SPIDR: variants seen among roughly 807,000 people sequenced by gnomAD.
The protein encoded by SPIDR is DNA repair-scaffolding protein.
A neutral mutation model predicts 104.6 loss-of-function variants in SPIDR; 93 were observed. The ratio of observed to expected loss-of-function variants is 0.89; its 90% CI spans 0.75 to 1.06. The LOEUF (loss-of-function observed/expected upper bound fraction) is 1.06, where lower values mean the gene tolerates loss of function less well. Among genes scored for constraint, SPIDR ranks in the 50% least tolerant of loss-of-function variants. The pLI is 0.00. For missense variants in SPIDR, 1,154 were observed against 1,111.2 expected, an observed-to-expected ratio of 1.04 and a Z score of -0.55; for synonymous variants, 431 against 416.9, an observed-to-expected ratio of 1.03 and a Z score of -0.41.
At chr8:47,282,640 C>T (rs2038012795) in intron 2 of SPIDR, among the ~76,000 whole-genome samples, 1 of 152,216 alleles carries the variant, frequency 6.6e-6, no homozygotes, top group Non-Finnish European at 1.5e-5. Context: ...ATTCAATTTT[C>T]TATCCAGATT....
chr8:47,552,416 AT>A lies in SPIDR; in HGVS notation c.1098-43394del. Among the ~76,000 whole-genome samples the A allele has an allele frequency of 2.0e-5, 3 of 152,294 alleles. No individual in the cohort carries two copies. The East Asian group carries it at 5.8e-4, about 29-fold the overall frequency. On this transcript the variant is annotated intron_variant, in intron 8 of 19. Transcript: ENST00000297423. ...ATTGTGTGGGAGTCTAAGTCTCTTT[AT>A]AGGTCTCTAAGTACTTCCTTTATGA...
intron 2 of SPIDR, among the ~76,000 whole-genome samples, chr8:47,280,539 C>T (rs370853249): frequency 1.2e-3 from 185 of 152,092 alleles, no homozygotes; most frequent in African/African-American, 4.3e-3. Context: ...ATTACAGGTG[C>T]GTGCCACCAC....
chr8:47,492,141 G>A (rs1251865573), intron 8 of SPIDR, among the ~76,000 whole-genome samples: 2 of 152,056 alleles, frequency 1.3e-5, no homozygotes, highest in Non-Finnish European at 2.9e-5. Flanking sequence ...GAAAAAGCTG[G>A]GTGGACATGA....
chr8:47,437,659 C>T (rs1253408753), intron 7 of SPIDR, among the ~76,000 whole-genome samples: 1 of 151,958 alleles, frequency 6.6e-6, no homozygotes, highest in African/African-American at 2.4e-5. Context: ...CACTGGCCAT[C>T]AGAGAAATGC....
intron 8 of SPIDR, among the ~76,000 whole-genome samples, chr8:47,553,093 ACT>A (rs1421151745): frequency 6.6e-6 from 1 of 151,910 alleles, no homozygotes; most frequent in Non-Finnish European, 1.5e-5. Context: ...ATCGGCCCCC[ACT>A]CTCTTCTGGC....
At chr8:47,727,745 C>T (rs917252972) in intron 17 of SPIDR, among the ~76,000 whole-genome samples, 1 of 152,174 alleles carries the variant, frequency 6.6e-6, no homozygotes, top group Non-Finnish European at 1.5e-5. Flanking sequence ...GCAGTCTGTC[C>T]CTATGAAGTC....
intron 8 of SPIDR, among the ~76,000 whole-genome samples, chr8:47,541,219 A>G (rs2088062008): frequency 6.6e-6 from 1 of 152,160 alleles, no homozygotes; most frequent in Non-Finnish European, 1.5e-5. Context: ...TATTTACATG[A>G]ATTATCTTAT....
chr8:47,407,002 A>G (rs941610371), intron 6 of SPIDR, among the ~76,000 whole-genome samples: 1 of 152,248 alleles, frequency 6.6e-6, no homozygotes, highest in Non-Finnish European at 1.5e-5. Context: ...GCATGTAGCT[A>G]TAGTGGTAAT....
intron 8 of SPIDR, among the ~76,000 whole-genome samples, chr8:47,574,043 A>G (rs952205986): frequency 3.3e-5 from 5 of 152,210 alleles, no homozygotes; most frequent in Non-Finnish European, 7.3e-5. Context: ...TATCTATTTT[A>G]GCTGAGGTTT....
chr8:47,337,758 T>C (rs1309615873), intron 5 of SPIDR, among the ~76,000 whole-genome samples: 1 of 152,110 alleles, frequency 6.6e-6, no homozygotes, highest in African/African-American at 2.4e-5. Context: ...ACTTTTTTGG[T>C]AGTGTGTTAG....
At chr8:47,446,867 GAA>G (rs1554702209) in intron 8 of SPIDR, among the ~76,000 whole-genome samples, 9 of 152,176 alleles carry the variant, frequency 5.9e-5, no homozygotes, top group Non-Finnish European at 1.3e-4. Flanking sequence ...TTACAGGTGT[GAA>G]CTACCATGTC....
In SPIDR at chr8:47,701,842, G is replaced by A. The variant is rs964287646; in HGVS notation, c.1895G>A (p.Arg632His). 5 of 1,614,044 alleles carry A rather than the reference G, an allele frequency of 3.1e-6. No homozygotes were observed. The highest frequency in any genetic ancestry group is 2.2e-5 in the South Asian group (2 of 91,076). Residue 632 changes from arginine to histidine, a missense_variant, in exon 13 of 20, where the codon CGC (arginine) becomes CAC (histidine). Coordinates refer to ENST00000297423, the MANE Select transcript of SPIDR (RefSeq NM_001080394.4). ...IYKLYQPPVT[R>H]CLRDILQMND... ...AAGCTTTACCAGCCTCCAGTTACCC[G>A]CTGCTTAAGAGACATTCTCCAGGTA...
intron 10 of SPIDR, among the ~76,000 whole-genome samples, chr8:47,621,940 AG>A (rs1232009687): frequency 1.2e-4 from 18 of 152,278 alleles, no homozygotes; most frequent in African/African-American, 4.3e-4. Context: ...ACTCCAGCCT[AG>A]GCGACAGAGT....
Position 47,396,478 on chromosome 8 carries a change from G to A in SPIDR, c.628G>A (p.Val210Met), listed in dbSNP as rs369135241. ...IDSESPHKYH[V>M]QFASDARQIM... ...TTCAGAATCCCCTCACAAATACCACGTGCAGTTTGCATCGGATGCAAGACA... is the reference window on the plus strand; with the variant it reads ...TTCAGAATCCCCTCACAAATACCACATGCAGTTTGCATCGGATGCAAGACA... Residue 210 changes from valine (V) to methionine (M), a missense_variant, in exon 6 of 20, where the codon GTG (valine) becomes ATG (methionine). Coordinates refer to ENST00000297423, the MANE Select transcript of SPIDR (RefSeq NM_001080394.4). 29 of 1,613,828 alleles carry A rather than the reference G, an allele frequency of 1.8e-5. No homozygotes were observed. Among genetic ancestry groups the A allele is most frequent in the Middle Eastern group, 1.6e-4 (1 of 6,084 alleles).
chr8:47,563,245 C>T (rs1200356623), intron 8 of SPIDR, among the ~76,000 whole-genome samples: 1 of 152,094 alleles, frequency 6.6e-6, no homozygotes. Context: ...TCAGGGCTCA[C>T]TGCAGCCTCG....
intron 8 of SPIDR, among the ~76,000 whole-genome samples, chr8:47,500,574 G>A (rs1340648468): frequency 6.6e-6 from 1 of 151,866 alleles, no homozygotes; most frequent in Non-Finnish European, 1.5e-5. Flanking sequence ...TTGCAAAAAT[G>A]TTCTCTCATT....
rs540872465 is a variant in SPIDR, at chr8:47,578,822, G to GT, written c.1098-16988dup. 3.7e-4 allele frequency among the ~76,000 whole-genome samples: 57 copies of GT among 152,270 alleles called. 1 individual carries two copies. The East Asian group carries it at 9.4e-3, about 25-fold the overall frequency. The stretch of plus-strand genomic sequence containing the variant: ...ACAAGTACACTTGGGGAATTTTAAA[G>GT]TAGCACATACAATCATAAATGCCAG... On this transcript the variant is annotated intron_variant, in intron 8 of 19. Coordinates refer to ENST00000297423, the MANE Select transcript of SPIDR (RefSeq NM_001080394.4).
At chr8:47,631,190 C>G (rs2067020360) in intron 10 of SPIDR, among the ~76,000 whole-genome samples, 1 of 152,130 alleles carries the variant, frequency 6.6e-6, no homozygotes, top group South Asian at 2.1e-4. Context: ...CCTCATGCAA[C>G]CCATGGATCC....
intron 10 of SPIDR, among the ~76,000 whole-genome samples, chr8:47,643,404 A>C (rs1165905611): frequency 6.6e-6 from 1 of 152,092 alleles, no homozygotes; most frequent in African/African-American, 2.4e-5. Context: ...GCTGGAGTGC[A>C]GTGGTGCAGT....
Sources: allele counts gnomAD v4.1 joint callset (sites outside exome capture counted in the v4.1 genomes callset), GRCh38; gene constraint gnomAD v4.1.1; transcripts MANE v1.5; gene names NCBI Gene and HGNC (gene_info 2026-07-23, HGNC 2026-07-21).